Variants in AGBL4 observed in about 807,000 individuals in gnomAD.
AGBL4 encodes the protein AGBL carboxypeptidase 4, also known as cytosolic carboxypeptidase 6.
In AGBL4, 58 loss-of-function variants were observed where a neutral mutation model predicts 66.4. The ratio of observed to expected loss-of-function variants is 0.87; its 90% CI spans 0.71 to 1.09. The LOEUF is 1.09. AGBL4 is among the 50% of genes least tolerant of loss of function. AGBL4 has a pLI of 0.00. For missense variants in AGBL4, 579 were observed against 631.0 expected (o/e 0.92, Z 0.88); for synonymous variants, 234 against 222.9 (o/e 1.05, Z -0.44).
intron 5 of AGBL4, among the ~76,000 whole-genome samples, chr1:49,029,250 A>T (rs1057234366): frequency 6.6e-6 from 1 of 152,172 alleles, no homozygotes; most frequent in Non-Finnish European, 1.5e-5. Flanking sequence ...CAGAAGAATG[A>T]AATAAAAGGA....
chr1:48,590,794 G>A (rs758238956), intron 10 of AGBL4, 39 bp downstream of exon 10: 3 of 1,561,546 alleles, frequency 1.9e-6, no homozygotes, highest in Admixed American at 1.9e-5. Flanking sequence ...GGCAGGGTGT[G>A]GGGGGCTGGG....
chr1:49,983,146 G>A (rs1659209680), intron 1 of AGBL4, among the ~76,000 whole-genome samples: 1 of 152,212 alleles, frequency 6.6e-6, no homozygotes, highest in Non-Finnish European at 1.5e-5. Flanking sequence ...TACAAACAGG[G>A]CTGAAAAACG....
At position 49,933,832 on chromosome 1, in the gene AGBL4, CA is replaced by C. The variant is rs569146738; in HGVS notation, c.35-82315del. Among the ~76,000 whole-genome samples, 259 of 152,012 alleles carry C rather than the reference CA, an allele frequency of 1.7e-3. 4 individuals carry two copies. The South Asian group carries it at 0.022, about 13-fold the overall frequency. On this transcript the variant is annotated intron_variant, in intron 1 of 13. Coordinates refer to ENST00000371839, the MANE Select transcript of AGBL4 (RefSeq NM_032785.4). ...AACATTATAAGAACATCAGCAAAAA[CA>C]CAAAGGGAGATAGCAAGTGAGGAAA...
chr1:48,618,707 C>T (rs1301658228), intron 9 of AGBL4, among the ~76,000 whole-genome samples: 1 of 152,194 alleles, frequency 6.6e-6, no homozygotes, highest in Non-Finnish European at 1.5e-5. Flanking sequence ...AAGGTCAAAA[C>T]CTCTTGCCTG....
intron 3 of AGBL4, among the ~76,000 whole-genome samples, chr1:49,430,039 G>A (rs1481022603): frequency 6.6e-6 from 1 of 151,718 alleles, no homozygotes; most frequent in African/African-American, 2.4e-5. Flanking sequence ...TAAAGATGAG[G>A]TTTCACCATG....
intron 4 of AGBL4, among the ~76,000 whole-genome samples, chr1:49,210,540 T>C (rs1335493749): frequency 6.6e-6 from 1 of 152,142 alleles, no homozygotes; most frequent in Non-Finnish European, 1.5e-5. Context: ...ATTTGCTATA[T>C]GCCTTAACAA....
chr1:49,150,975 T>G (rs186396679), intron 4 of AGBL4, among the ~76,000 whole-genome samples: 2 of 152,196 alleles, frequency 1.3e-5, no homozygotes, highest in Admixed American at 1.3e-4. Context: ...TCTTTAAAAA[T>G]ATATACATAT....
chr1:49,898,119 C>T (rs1649404262), intron 1 of AGBL4, among the ~76,000 whole-genome samples: 1 of 151,996 alleles, frequency 6.6e-6, no homozygotes, highest in Admixed American at 6.6e-5. Context: ...AATGGGATCA[C>T]ATCAAGTTAA....
At chr1:49,344,101 A>G (rs1243303282) in intron 3 of AGBL4, among the ~76,000 whole-genome samples, 1 of 152,176 alleles carries the variant, frequency 6.6e-6, no homozygotes, top group African/African-American at 2.4e-5. Context: ...GCTATGCTGG[A>G]AAGAGTCAGA....
chr1:49,733,557 G>A (rs6684977), intron 2 of AGBL4, among the ~76,000 whole-genome samples: 156 of 152,238 alleles, frequency 1.0e-3, no homozygotes, highest in African/African-American at 3.6e-3. Context: ...AGGAGCCAGT[G>A]AATCCAGTGT....
intron 5 of AGBL4, among the ~76,000 whole-genome samples, chr1:48,918,469 C>T (rs1207515072): frequency 9.2e-5 from 14 of 152,104 alleles, no homozygotes; most frequent in Admixed American, 8.5e-4. Flanking sequence ...TGTGTTCCTC[C>T]GAAATTTATG....
intron 1 of AGBL4, among the ~76,000 whole-genome samples, chr1:49,920,224 C>A (rs562501527): frequency 0.011 from 1,662 of 152,160 alleles, 21 homozygotes; most frequent in African/African-American, 0.038. Flanking sequence ...GCAACAAAAG[C>A]CAAAATTGAC....
At chr1:49,147,793 T>C (rs761948967) in intron 4 of AGBL4, among the ~76,000 whole-genome samples, 2 of 151,662 alleles carry the variant, frequency 1.3e-5, no homozygotes, top group Non-Finnish European at 2.9e-5. Flanking sequence ...GAAGAGCCTA[T>C]AGGCTTGAAG....
chr1:48,973,595 C>T (rs1659084555), intron 5 of AGBL4, among the ~76,000 whole-genome samples: 1 of 152,142 alleles, frequency 6.6e-6, no homozygotes, highest in East Asian at 1.9e-4. Flanking sequence ...CCCTTGACCA[C>T]TATCTATGGG....
At chr1:49,386,268 T>A (rs1372956358) in intron 3 of AGBL4, among the ~76,000 whole-genome samples, 2 of 23,074 alleles carry the variant, frequency 8.7e-5, no homozygotes, top group Non-Finnish European at 2.7e-4. Flanking sequence ...TGGATGGATG[T>A]GTGTGTGTGT....
At chr1:49,285,891 C>T (rs1427137258) in intron 3 of AGBL4, among the ~76,000 whole-genome samples, 8 of 152,250 alleles carry the variant, frequency 5.3e-5, no homozygotes, top group Non-Finnish European at 7.4e-5. Flanking sequence ...ATACCAAAGC[C>T]GGGCAGAGAC....
chr1:48,679,468 C>T (rs114660967), intron 6 of AGBL4, among the ~76,000 whole-genome samples: 3 of 152,256 alleles, frequency 2.0e-5, no homozygotes, highest in African/African-American at 7.2e-5. Context: ...GGGGTGATCT[C>T]AATGGGTGAC....
At chr1:49,239,063 T>C (rs1035165590) in intron 4 of AGBL4, among the ~76,000 whole-genome samples, 2 of 152,168 alleles carry the variant, frequency 1.3e-5, no homozygotes, top group Non-Finnish European at 2.9e-5. Flanking sequence ...CAGACTGTAA[T>C]ATTTTACCTT....
At chr1:48,902,003 G>A (rs1336063619) in intron 5 of AGBL4, among the ~76,000 whole-genome samples, 2 of 152,098 alleles carry the variant, frequency 1.3e-5, no homozygotes, top group African/African-American at 4.8e-5. Flanking sequence ...GACAAGAGAC[G>A]AGAGCCTGTG....
Sources: gnomAD v4.1 joint callset for allele counts (sites outside exome capture counted in the v4.1 genomes callset) on GRCh38, gnomAD v4.1.1 for gene constraint, MANE v1.5 for transcripts, NCBI Gene and HGNC (gene_info 2026-07-23, HGNC 2026-07-21) for gene names.